LRRC37A3: variants seen among roughly 807,000 people sequenced by gnomAD.
The protein encoded by LRRC37A3 is leucine rich repeat containing 37 member A3.
A neutral mutation model predicts 106.2 loss-of-function variants in LRRC37A3; 25 were observed. That is an observed-to-expected ratio of 0.24 (90% CI 0.17 to 0.33). The LOEUF (loss-of-function observed/expected upper bound fraction) is 0.33, where lower values mean the gene tolerates loss of function less well. Ranked by LOEUF, LRRC37A3 falls within the 10% of genes least tolerant of loss-of-function variation. The pLI is 1.00. For synonymous variants in LRRC37A3, 305 were observed against 635.8 expected, an observed-to-expected ratio of 0.48 and a Z score of 7.83; for missense variants, 712 against 1,644.9, an observed-to-expected ratio of 0.43 and a Z score of 9.81.
intron 9 of LRRC37A3, 150 bp from the exon 10 acceptor site, chr17:64,868,686 T>G: frequency 8.6e-7 from 1 of 1,160,322 alleles, no homozygotes; most frequent in South Asian, 1.4e-5. Flanking sequence ...GAAATTAAAG[T>G]TGATTTGCAT....
At chr17:64,882,724 AC>A (rs1170826959) in intron 8 of LRRC37A3, among the ~76,000 whole-genome samples, 1 of 151,730 alleles carries the variant, frequency 6.6e-6, no homozygotes, top group African/African-American at 2.4e-5. Flanking sequence ...GGCCACACCT[AC>A]CTCACTAATA....
At chr17:64,908,693 C>T (rs1175454761) in intron 2 of LRRC37A3, among the ~76,000 whole-genome samples, 9 of 113,102 alleles carry the variant, frequency 8.0e-5, no homozygotes, top group East Asian at 4.5e-4. Flanking sequence ...AGGAGAATCA[C>T]GTGAACCCGG....
At chr17:64,880,219 C>G (rs1282718386) in intron 8 of LRRC37A3, among the ~76,000 whole-genome samples, 2 of 151,954 alleles carry the variant, frequency 1.3e-5, no homozygotes, top group Non-Finnish European at 2.9e-5. Context: ...TGGGAACTGG[C>G]TCAACGGCTC....
chr17:64,860,099 G>A lies in LRRC37A3; in HGVS notation c.4047C>T (p.Ser1349=). Residue 1349 remains serine, a synonymous_variant, in exon 12 of 15, where the codon AGC becomes AGT. Transcript: ENST00000584306. Reference sequence around the variant, plus strand: ...CCCCTTGTGAAGGGGAATTTATGAGGCTCTTCGCTGCAGAGAACGGAAGCC... The same window carrying A: ...CCCCTTGTGAAGGGGAATTTATGAGACTCTTCGCTGCAGAGAACGGAAGCC... ...SNRLPFSAAK[S]LINSPSQGAF... is the part of the protein sequence containing the mutation. 6.2e-7 allele frequency: 1 copy of A among 1,613,916 alleles called. No homozygotes were observed. Among genetic ancestry groups the A allele is most frequent in the Non-Finnish European group, 8.5e-7 (1 of 1,179,858 alleles).
rs1458888889 is a variant in LRRC37A3 at position 64,856,543 on chromosome 17, A to G, written c.4810-654T>C. On this transcript the variant is annotated intron_variant, in intron 13 of 14. Transcript: ENST00000584306. ...ATATTGTACAGTGGTGACAGTTGTT[A>G]TATTGTACTTTCTGTTTGTATTTTT... Among the ~76,000 whole-genome samples the G allele has an allele frequency of 5.9e-5, 9 of 151,276 alleles. No individual in the cohort carries two copies. The South Asian group carries it at 1.9e-3, about 32-fold the overall frequency.
At chr17:64,913,528 T>G (rs1006398789) in intron 2 of LRRC37A3, among the ~76,000 whole-genome samples, 12 of 150,194 alleles carry the variant, frequency 8.0e-5, no homozygotes, top group African/African-American at 3.0e-4. Context: ...TTAGTAGAGA[T>G]GGGGTTTCGC....
At chr17:64,878,336 T>C (rs1973582665) in intron 8 of LRRC37A3, among the ~76,000 whole-genome samples, 1 of 152,074 alleles carries the variant, frequency 6.6e-6, no homozygotes, top group Non-Finnish European at 1.5e-5. Context: ...ATAGATACAT[T>C]AGATTTTATC....
intron 8 of LRRC37A3, among the ~76,000 whole-genome samples, chr17:64,878,253 G>A (rs1973580147): frequency 6.6e-6 from 1 of 152,130 alleles, no homozygotes; most frequent in Non-Finnish European, 1.5e-5. Flanking sequence ...ACCAAACACT[G>A]AACCTTTTTA....
chr17:64,874,282 G>A (rs1400202991), intron 8 of LRRC37A3, among the ~76,000 whole-genome samples: 2 of 151,644 alleles, frequency 1.3e-5, no homozygotes, highest in Admixed American at 6.6e-5. Context: ...TGTGAGGAGC[G>A]CCTCTGCCCG....
intron 2 of LRRC37A3, among the ~76,000 whole-genome samples, chr17:64,911,215 T>C (rs1424396104): frequency 6.7e-6 from 1 of 148,392 alleles, no homozygotes; most frequent in East Asian, 2.0e-4. Context: ...TCTGCTGCTC[T>C]TTATCTCTGA....
At chr17:64,882,769 A>G (rs1194568125) in intron 8 of LRRC37A3, among the ~76,000 whole-genome samples, 1 of 152,102 alleles carries the variant, frequency 6.6e-6, no homozygotes, top group Non-Finnish European at 1.5e-5. Flanking sequence ...CAATAGGGAT[A>G]AAGCCTGGAT....
intron 10 of LRRC37A3, among the ~76,000 whole-genome samples, chr17:64,867,452 G>T (rs1973153134): frequency 6.6e-6 from 1 of 152,176 alleles, no homozygotes; most frequent in Admixed American, 6.5e-5. Flanking sequence ...CGCAGTGTCT[G>T]CAGGGGATTG....
chr17:64,877,167 A>G (rs1354436341), intron 8 of LRRC37A3: 1 of 152,162 alleles, frequency 6.6e-6, no homozygotes, highest in Non-Finnish European at 1.5e-5. Flanking sequence ...CAGGTGGATC[A>G]TCTGAGGTTA....
In LRRC37A3 at chr17:64,860,697, C is replaced by G. The variant is rs775012067; in HGVS notation, c.3449G>C (p.Ser1150Thr). The change falls in exon 12 of 15, where the codon AGC becomes ACC. Residue 1150 changes from serine to threonine, a missense_variant. Coordinates refer to ENST00000584306, the MANE Select transcript of LRRC37A3 (RefSeq NM_199340.5). ...PFIKLPTTGN[S>T]LAKIQTVGKN... is the part of the protein sequence containing the mutation. ...GCCTACAGTTTGAATCTTTGCCAGGCTGTTTCCTGTGGTTGGCAGTTTAAT... is the reference window on the plus strand; with the variant it reads ...GCCTACAGTTTGAATCTTTGCCAGGGTGTTTCCTGTGGTTGGCAGTTTAAT... The G allele has an allele frequency of 6.2e-7, 1 of 1,614,010 alleles. No homozygotes were observed. Among genetic ancestry groups the G allele is most frequent in the South Asian group, 1.1e-5 (1 of 91,078 alleles).
At chr17:64,916,237 C>T (rs1199680013) in intron 2 of LRRC37A3, among the ~76,000 whole-genome samples, 1 of 151,814 alleles carries the variant, frequency 6.6e-6, no homozygotes, top group East Asian at 1.9e-4. Flanking sequence ...AACCCCGTCT[C>T]TACTAAAAAT....
chr17:64,858,930 G>C, intron 12 of LRRC37A3, 47 bp from the exon 13 acceptor site: 1 of 1,277,500 alleles, frequency 7.8e-7, no homozygotes, highest in Non-Finnish European at 1.1e-6. Flanking sequence ...CAAAACCCCA[G>C]TATTCCAGGT....
intron 2 of LRRC37A3, among the ~76,000 whole-genome samples, chr17:64,913,257 G>A (rs1180326487): frequency 2.9e-4 from 44 of 151,450 alleles, no homozygotes; most frequent in African/African-American, 9.0e-4. Flanking sequence ...TCGAACTCCC[G>A]ACCTCAGGTG....
chr17:64,859,543 T>G lies in LRRC37A3; in HGVS notation c.4603A>C (p.Lys1535Gln). 2 of 1,611,932 alleles carry G rather than the reference T, an allele frequency of 1.2e-6. No homozygotes were observed. The highest frequency in any genetic ancestry group is 2.2e-5 in the East Asian group (1 of 44,838). The change falls in exon 12 of 15, where the codon AAG becomes CAG. Residue 1535 changes from lysine (K) to glutamine (Q), a missense_variant. Lys to Gln is a moderately conservative substitution (Grantham distance 53). Transcript: ENST00000584306. ...GTATCCCATTCTATCTTGGATGCCT[T>G]TACTTCCTGCTGCCCACTGAGAAGC... ...MKLLSGQQEV[K>Q]ASKIEWDTDQ...
intron 2 of LRRC37A3, among the ~76,000 whole-genome samples, chr17:64,916,058 C>T (rs1327702292): frequency 4.0e-5 from 6 of 151,874 alleles, no homozygotes; most frequent in African/African-American, 1.5e-4. Flanking sequence ...CTGCAGTGAG[C>T]CAAGATCATG....
Sources: gnomAD v4.1 joint callset for allele counts (sites outside exome capture counted in the v4.1 genomes callset) on GRCh38, gnomAD v4.1.1 for gene constraint, MANE v1.5 for transcripts, NCBI Gene and HGNC (gene_info 2026-07-23, HGNC 2026-07-21) for gene names.